Variants in PDE10A observed in about 807,000 individuals in gnomAD.
The protein encoded by PDE10A is phosphodiesterase 10A.
Under a neutral mutation model 97.7 loss-of-function variants are expected in PDE10A, and 39 were observed. The observed-to-expected ratio is 0.40, with a 90% CI of 0.31 to 0.52. The LOEUF is 0.52. PDE10A is among the 20% of genes least tolerant of loss of function. The pLI, the probability that PDE10A is intolerant of heterozygous loss-of-function variation, is 0.56. For synonymous variants in PDE10A, 371 were observed against 376.8 expected, an observed-to-expected ratio of 0.98 and a Z score of 0.18; for missense variants, 731 against 1,047.8, an observed-to-expected ratio of 0.70 and a Z score of 4.17.
At position 165,377,891 on chromosome 6, in the gene PDE10A, C is replaced by T. The variant is rs548892160; in HGVS notation, c.2783+1303G>A. 4.6e-5 allele frequency among the ~76,000 whole-genome samples: 7 copies of T among 152,278 alleles called. No individual in the cohort carries two copies. In the East Asian group the frequency reaches 1.4e-3, roughly 29 times the overall value. On this transcript the variant is annotated intron_variant, in intron 18 of 21. Transcript: ENST00000539869. ...CCCTAATTGATGTTTAGGGGCTTTT[C>T]CCTGATACCATCCCTCTTTGTGGTC... is the stretch of plus-strand genomic sequence containing the variant.
At position 165,829,689 on chromosome 6, in the gene PDE10A, A is replaced by T. The variant is rs1013672152; in HGVS notation, c.-615+157840T>A. 3.9e-5 allele frequency among the ~76,000 whole-genome samples: 6 copies of T among 152,126 alleles called. No individual in the cohort carries two copies. In the East Asian group the frequency reaches 1.2e-3, roughly 29 times the overall value. ...ACTGCCGGTCCCATCTAACCAACAG[A>T]TCCTACTCTCAAGTTTCCGAACTCT... On this transcript the variant is annotated intron_variant, in intron 1 of 19. Coordinates refer to the PDE10A transcript ENST00000366882.
At chr6:165,849,822 GA>G (rs34471380) in intron 1 of PDE10A, among the ~76,000 whole-genome samples, 5 of 151,270 alleles carry the variant, frequency 3.3e-5, no homozygotes, top group African/African-American at 7.3e-5. Context: ...GGTGTTTTAG[GA>G]AAAAAAAATT....
At chr6:165,964,643 A>C (rs891348924) in intron 1 of PDE10A, among the ~76,000 whole-genome samples, 2 of 152,244 alleles carry the variant, frequency 1.3e-5, no homozygotes, top group Non-Finnish European at 2.9e-5. Flanking sequence ...CATGGGAATC[A>C]GACTTTATAA....
chr6:165,375,201 C>A (rs543097829), intron 18 of PDE10A, among the ~76,000 whole-genome samples: 1,691 of 152,214 alleles, frequency 0.011, 12 homozygotes, highest in Non-Finnish European at 0.019. Flanking sequence ...CTAGAAGTGA[C>A]TAAACTTAGG....
chr6:165,843,814 G>A (rs1054872843), intron 1 of PDE10A, among the ~76,000 whole-genome samples: 3 of 152,236 alleles, frequency 2.0e-5, no homozygotes, highest in Non-Finnish European at 4.4e-5. Context: ...CGGAGGGGCA[G>A]GGCAGTCACT....
chr6:165,835,465 A>G (rs1289614014), intron 1 of PDE10A, among the ~76,000 whole-genome samples: 3 of 152,172 alleles, frequency 2.0e-5, no homozygotes, highest in African/African-American at 7.2e-5. Flanking sequence ...CAAGGCGAGG[A>G]CAGCACTGCC....
intron 17 of PDE10A, among the ~76,000 whole-genome samples, chr6:165,382,487 C>T (rs1455139593): frequency 1.3e-5 from 2 of 152,202 alleles, no homozygotes; most frequent in South Asian, 4.1e-4. Context: ...TAATTAAGAG[C>T]ACCGATTTTG....
chr6:165,381,957 C>T (rs1011800827), intron 17 of PDE10A, among the ~76,000 whole-genome samples: 3 of 152,070 alleles, frequency 2.0e-5, no homozygotes, highest in East Asian at 3.9e-4. Flanking sequence ...TACTTTTATA[C>T]ACCAATTGAT....
intron 1 of PDE10A, among the ~76,000 whole-genome samples, chr6:165,847,232 G>C (rs1224869096): frequency 6.6e-6 from 1 of 152,228 alleles, no homozygotes; most frequent in Admixed American, 6.5e-5. Context: ...GGTTTACAGA[G>C]AGGCAGGGGT....
intron 2 of PDE10A, among the ~76,000 whole-genome samples, chr6:165,492,384 C>T (rs1780277466): frequency 6.6e-6 from 1 of 151,976 alleles, no homozygotes; most frequent in African/African-American, 2.4e-5. Context: ...AGATAGCAAA[C>T]CCAGGAAAAA....
intron 1 of PDE10A, among the ~76,000 whole-genome samples, chr6:165,776,099 T>C (rs534043502): frequency 6.6e-6 from 1 of 152,300 alleles, no homozygotes; most frequent in South Asian, 2.1e-4. Flanking sequence ...TCCCATTTGA[T>C]GAGAAAAAAA....
intron 1 of PDE10A, among the ~76,000 whole-genome samples, chr6:165,759,227 T>G (rs990835645): frequency 5.3e-5 from 8 of 152,234 alleles, no homozygotes; most frequent in African/African-American, 1.9e-4. Context: ...TTTTCTGTAC[T>G]CTTGGGAAGG....
rs1462046552 is a variant in PDE10A, at chr6:165,655,885, A to G, written c.865+6062T>C. ...CGTCACCCCGCTCCTCTGCCTTGTG[A>G]GCCCCCTCTGCCTAGGGTGCTTTTC... is the stretch of plus-strand genomic sequence containing the variant. On this transcript the variant is annotated intron_variant, in intron 1 of 21. Transcript: ENST00000539869. The surrounding 1 kb of genome is among the most constrained non-coding windows in gnomAD (Gnocchi z 4.5). Among the ~76,000 whole-genome samples, 1 of 151,728 alleles carries G rather than the reference A, an allele frequency of 6.6e-6. No individual in the cohort carries two copies. The highest frequency in any genetic ancestry group is 2.0e-4 in the East Asian group (1 of 5,118).
intron 1 of PDE10A, among the ~76,000 whole-genome samples, chr6:165,928,692 C>T (rs1443312586): frequency 3.4e-5 from 5 of 146,152 alleles, no homozygotes; most frequent in African/African-American, 7.6e-5. Context: ...TGCTGGTGGC[C>T]GACGTCTGGA....
chr6:165,790,456 T>C (rs1387178390), intron 1 of PDE10A, among the ~76,000 whole-genome samples: 1 of 152,126 alleles, frequency 6.6e-6, no homozygotes, highest in African/African-American at 2.4e-5. Flanking sequence ...CTAAGAAAGT[T>C]TGGATAAATA....
At chr6:165,779,366 CAT>C (rs1333074282) in intron 1 of PDE10A, among the ~76,000 whole-genome samples, 4 of 152,176 alleles carry the variant, frequency 2.6e-5, no homozygotes, top group Non-Finnish European at 5.9e-5. Flanking sequence ...CACACTTGCA[CAT>C]GTGTGTATAA....
At chr6:165,391,744 A>G (rs1212653702) in intron 16 of PDE10A, among the ~76,000 whole-genome samples, 1 of 152,194 alleles carries the variant, frequency 6.6e-6, no homozygotes, top group Non-Finnish European at 1.5e-5. Context: ...CCTAGAATGC[A>G]TCTTTTGAGT....
In PDE10A at chr6:165,353,981, T is replaced by C. The variant is rs1454397538; in HGVS notation, c.2784-10479A>G. ...TTGTCCATGTGTGGGGACCAGGATA[T>C]AGAGGAACTCTGTACTTTCTACCCA... On this transcript the variant is annotated intron_variant, in intron 18 of 21. Transcript: ENST00000539869. Among the ~76,000 whole-genome samples the C allele has an allele frequency of 3.9e-5, 6 of 152,176 alleles. 1 individual carries two copies. The highest frequency in any genetic ancestry group is 4.1e-4 in the South Asian group (2 of 4,830).
chr6:165,832,753 G>A (rs1364287887), intron 1 of PDE10A, among the ~76,000 whole-genome samples: 7 of 152,242 alleles, frequency 4.6e-5, no homozygotes, highest in Admixed American at 4.6e-4. Flanking sequence ...AAGGTGGGAA[G>A]TTTACATTTC....
Sources: gnomAD v4.1 joint callset for allele counts (sites outside exome capture counted in the v4.1 genomes callset) on GRCh38, gnomAD v4.1.1 for gene constraint, Gnocchi (gnomAD v3.1) non-coding constraint, MANE v1.5 for transcripts, NCBI Gene and HGNC (gene_info 2026-07-23, HGNC 2026-07-21) for gene names.